Variants in UFL1 observed in about 807,000 individuals in gnomAD.
UFL1 encodes UFM1 specific ligase 1, also known as E3 UFM1-protein ligase 1.
UFL1 carries 78 observed loss-of-function variants against 99.3 expected under a neutral mutation model. The observed-to-expected ratio is 0.79, with a 90% CI of 0.65 to 0.95. UFL1 has a LOEUF of 0.95. Ranked by LOEUF, UFL1 falls within the 40% of genes least tolerant of loss-of-function variation. UFL1 has a pLI of 0.00. For missense variants in UFL1, 936 were observed against 937.0 expected (o/e 1.00, Z 0.01); for synonymous variants, 335 against 322.2 (o/e 1.04, Z -0.42).
At position 96,524,424 on chromosome 6, in the gene UFL1, T is replaced by A; in HGVS notation, c.252+14T>A. 1 of 1,567,580 alleles carries A rather than the reference T, an allele frequency of 6.4e-7. No homozygotes were observed. Among genetic ancestry groups the A allele is most frequent in the Non-Finnish European group, 8.6e-7 (1 of 1,162,864 alleles). On this transcript the variant is annotated intron_variant, in intron 3 of 18. Coordinates refer to ENST00000369278, the MANE Select transcript of UFL1 (RefSeq NM_015323.5). ...GATCTACAACAGGTAGGTTTTAAAT[T>A]TATAAAATTTTTGCTTTACTTTCTC...
intron 7 of UFL1, among the ~76,000 whole-genome samples, chr6:96,534,661 A>G (rs1234479065): frequency 6.6e-6 from 1 of 151,962 alleles, no homozygotes; most frequent in South Asian, 2.1e-4. Context: ...ATTTTGTTAC[A>G]TTATCTAATA....
chr6:96,537,681 C>T (rs1053520715), intron 9 of UFL1, 132 bp downstream of exon 9: 4 of 825,010 alleles, frequency 4.8e-6, no homozygotes, highest in Admixed American at 6.9e-5. Flanking sequence ...ATTGTTATAA[C>T]AAAAATAATC....
chr6:96,534,013 G>GT (rs1259272733), intron 6 of UFL1, among the ~76,000 whole-genome samples: 7 of 151,742 alleles, frequency 4.6e-5, no homozygotes, highest in African/African-American at 1.7e-4. Context: ...AAATAGTTAC[G>GT]TATCATGGAA....
At chr6:96,534,929 T>C (rs1374976198) in intron 7 of UFL1, among the ~76,000 whole-genome samples, 1 of 151,954 alleles carries the variant, frequency 6.6e-6, no homozygotes, top group Non-Finnish European at 1.5e-5. Flanking sequence ...ATATCAAGTA[T>C]TGAACCAAAA....
rs1213403690 is a variant in UFL1, at chr6:96,528,599, C to T, written c.563C>T (p.Ala188Val). ...GAAGCTTTTGTAGCTCGACATAAAG[C>T]ACGTATCCGTGGACTATTCAGTGCT... ...FTEAFVARHKARIRGLFSAIT... is the reference protein window; with the variant it reads ...FTEAFVARHKVRIRGLFSAIT... Residue 188 changes from alanine (A) to valine (V), a missense_variant, in exon 6 of 19, where the codon GCA (alanine) becomes GTA (valine). Coordinates refer to ENST00000369278, the MANE Select transcript of UFL1 (RefSeq NM_015323.5). The T allele has an allele frequency of 1.2e-6, 2 of 1,613,730 alleles. No individual in the cohort carries two copies. The highest frequency in any genetic ancestry group is 1.3e-5 in the African/African-American group (1 of 74,914).
intron 1 of UFL1, 24 bp downstream of exon 1, chr6:96,521,974 G>A: frequency 1.2e-6 from 2 of 1,605,112 alleles, no homozygotes; most frequent in Non-Finnish European, 1.7e-6. Flanking sequence ...CCTCTCCTTT[G>A]TGGAGCCCAA....
chr6:96,552,441 A>G lies in UFL1; in HGVS notation c.1986-41A>G, dbSNP rs747748408. The G allele has an allele frequency of 1.5e-5, 23 of 1,506,386 alleles. No homozygotes were observed. In the South Asian group the frequency reaches 3.0e-4, roughly 20 times the overall value. The allele number at this position is 1,506,386 out of a possible 1,614,324, so 93.3% of individuals were successfully genotyped here. On this transcript the variant is annotated intron_variant, in intron 17 of 18. Transcript: ENST00000369278. ...GAATTGAAATTGGTGAGAACTTCTT[A>G]AATTATGATAATGAATTTGTGTGCT... is the stretch of plus-strand genomic sequence containing the variant.
In UFL1 at chr6:96,536,301, G is replaced by A. The variant is rs1186039592; in HGVS notation, c.713G>A (p.Arg238Lys). 9.3e-6 allele frequency: 15 copies of A among 1,611,138 alleles called. No individual in the cohort carries two copies. The highest frequency in any genetic ancestry group is 1.3e-5 in the Non-Finnish European group (15 of 1,178,026). ...TTACGAGGCACTGTGGTTGGTGGGA[G>A]ACAGGATAAAGCTGTGTTTGTCCCT... The part of the protein sequence containing the change: ...GRLRGTVVGG[R>K]QDKAVFVPDI... Residue 238 changes from arginine to lysine, a missense_variant, in exon 8 of 19, where the codon AGA (arginine) becomes AAA (lysine). Coordinates refer to ENST00000369278, the MANE Select transcript of UFL1 (RefSeq NM_015323.5).
rs1362128281 is a variant in UFL1 at position 96,555,184 on chromosome 6, A to AATT, written c.*1682_*1684dup. The stretch of plus-strand genomic sequence containing the variant: ...GTAGCTGATTTTGTATGTAAAGATT[A>AATT]ATTTCCATAATAAAAATTATTGTAT... On this transcript the variant is annotated 3_prime_UTR_variant, in exon 19 of 19. Coordinates refer to ENST00000369278, the MANE Select transcript of UFL1 (RefSeq NM_015323.5). 6.6e-6 allele frequency: 1 copy of AATT among 152,166 alleles called. No individual in the cohort carries two copies. Among genetic ancestry groups the AATT allele is most frequent in the Non-Finnish European group, 1.5e-5 (1 of 68,004 alleles). 9.4% of individuals were successfully genotyped at this position (152,166 alleles called of 1,614,324 possible). A position where few individuals can be genotyped will look rare whatever the true frequency, so the allele number is the denominator to read the frequency against.
chr6:96,546,513 C>G (rs1204636462), intron 12 of UFL1, among the ~76,000 whole-genome samples: 1 of 151,322 alleles, frequency 6.6e-6, no homozygotes, highest in East Asian at 1.9e-4. Flanking sequence ...TAGAAAAATA[C>G]ACTCCTAAAG....
Position 96,549,815 on chromosome 6 carries a change from C to T in UFL1, c.1818+16C>T. 6.2e-7 allele frequency: 1 copy of T among 1,609,788 alleles called. No homozygotes were observed. The highest frequency in any genetic ancestry group is 8.5e-7 in the Non-Finnish European group (1 of 1,177,602). ...TACAAGTGAAGTATGTTAATGATCTCCCTACCACTATTGATGTGTTCTGTT... is the reference window on the plus strand; with the variant it reads ...TACAAGTGAAGTATGTTAATGATCTTCCTACCACTATTGATGTGTTCTGTT... On this transcript the variant is annotated intron_variant, in intron 15 of 18. Transcript: ENST00000369278.
At chr6:96,523,866 C>G (rs542233138) in intron 2 of UFL1, among the ~76,000 whole-genome samples, 1 of 152,184 alleles carries the variant, frequency 6.6e-6, no homozygotes, top group East Asian at 1.9e-4. Context: ...ATTATGAAAG[C>G]CTCTCTTCAT....
rs1290915883 is a variant in UFL1, at chr6:96,554,832, T to C, written c.*1329T>C. On this transcript the variant is annotated 3_prime_UTR_variant, in exon 19 of 19. Coordinates refer to ENST00000369278, the MANE Select transcript of UFL1 (RefSeq NM_015323.5). Reference sequence around the variant, plus strand: ...TTTTCCCGTGGGTAATTTTCTATTATATATTTTCATATGGGCAAAGGGAAA... The same window carrying C: ...TTTTCCCGTGGGTAATTTTCTATTACATATTTTCATATGGGCAAAGGGAAA... 6.6e-6 allele frequency: 1 copy of C among 152,586 alleles called. No homozygotes were observed. The highest frequency in any genetic ancestry group is 2.4e-5 in the African/African-American group (1 of 41,458). The allele number at this position is 152,586 out of a possible 1,614,324, so 9.5% of individuals were successfully genotyped here.
In UFL1 at chr6:96,553,567, C is replaced by CA. The variant is rs1242616170; in HGVS notation, c.*70dup. Reference sequence around the variant, plus strand: ...CCCCAAGGTTGAAGGTGAGTGGTCACAAAAAAGTAGTCACTATACAACTCC... The same window carrying CA: ...CCCCAAGGTTGAAGGTGAGTGGTCACAAAAAAAGTAGTCACTATACAACTCC... On this transcript the variant is annotated 3_prime_UTR_variant, in exon 19 of 19. Coordinates refer to ENST00000369278, the MANE Select transcript of UFL1 (RefSeq NM_015323.5). 2 of 1,449,974 alleles carry CA rather than the reference C, an allele frequency of 1.4e-6. No individual in the cohort carries two copies. Among genetic ancestry groups the CA allele is most frequent in the African/African-American group, 2.9e-5 (2 of 70,134 alleles). The allele number at this position is 1,449,974 out of a possible 1,614,324, so 89.8% of individuals were successfully genotyped here.
At chr6:96,545,468 T>G (rs1769986358) in intron 12 of UFL1, among the ~76,000 whole-genome samples, 1 of 150,998 alleles carries the variant, frequency 6.6e-6, no homozygotes, top group African/African-American at 2.4e-5. Context: ...TTCTGAGATT[T>G]TTTTTTAATC....
Position 96,553,780 on chromosome 6 carries a change from T to C in UFL1, c.*277T>C, listed in dbSNP as rs1770116011. 1 of 304,318 alleles carries C rather than the reference T, an allele frequency of 3.3e-6. No individual in the cohort carries two copies. The highest frequency in any genetic ancestry group is 2.1e-5 in the African/African-American group (1 of 46,878). 18.9% of individuals were successfully genotyped at this position (304,318 alleles called of 1,614,324 possible). A position where few individuals can be genotyped will look rare whatever the true frequency, so the allele number is the denominator to read the frequency against. On this transcript the variant is annotated 3_prime_UTR_variant, in exon 19 of 19. Coordinates refer to ENST00000369278, the MANE Select transcript of UFL1 (RefSeq NM_015323.5). The stretch of plus-strand genomic sequence containing the variant: ...ATTATTTTCACATAATTTTAAAAAT[T>C]ACATATTTCAGGTTTGTTCTCTTTC...
chr6:96,554,394 CT>C lies in UFL1; in HGVS notation c.*892del, dbSNP rs1770125914. On this transcript the variant is annotated 3_prime_UTR_variant, in exon 19 of 19. Coordinates refer to ENST00000369278, the MANE Select transcript of UFL1 (RefSeq NM_015323.5). ...ATGCCTTTTCCAGTGGTAGGAGCAT[CT>C]GTAAGTGCATTTAAATCATTAGAAG... 6.6e-6 allele frequency: 1 copy of C among 152,048 alleles called. No individual in the cohort carries two copies. 9.4% of individuals were successfully genotyped at this position (152,048 alleles called of 1,614,324 possible).
intron 16 of UFL1, 49 bp downstream of exon 16, chr6:96,551,562 C>T: frequency 7.9e-7 from 1 of 1,270,234 alleles, no homozygotes; most frequent in Non-Finnish European, 1.1e-6. Flanking sequence ...CAGTTTGTTA[C>T]AAAGATCTTT....
At chr6:96,522,662 G>A (rs1274844030) in intron 1 of UFL1, among the ~76,000 whole-genome samples, 1 of 152,142 alleles carries the variant, frequency 6.6e-6, no homozygotes. Flanking sequence ...AACTGCATGG[G>A]TAACTAACGT....
Sources: allele counts gnomAD v4.1 joint callset (sites outside exome capture counted in the v4.1 genomes callset), GRCh38; gene constraint gnomAD v4.1.1; transcripts MANE v1.5; gene names NCBI Gene and HGNC (gene_info 2026-07-23, HGNC 2026-07-21).